AK9: variants seen among roughly 807,000 people sequenced by gnomAD.
AK9 encodes adenylate kinase domain containing 1.
Under a neutral mutation model 239.6 loss-of-function variants are expected in AK9, and 191 were observed. The ratio of observed to expected loss-of-function variants is 0.80; its 90% CI spans 0.71 to 0.90. AK9 has a LOEUF of 0.90. AK9 is among the 40% of genes least tolerant of loss of function. AK9 has a pLI of 0.00. For synonymous variants in AK9, 689 were observed against 721.0 expected (o/e 0.96, Z 0.71); for missense variants, 1,995 against 2,214.7 (o/e 0.90, Z 1.99).
intron 5 of AK9, among the ~76,000 whole-genome samples, chr6:109,670,662 C>G (rs10456867): frequency 0.051 from 7,811 of 151,914 alleles, 399 homozygotes; most frequent in East Asian, 0.23. Flanking sequence ...CCATGTAAAC[C>G]AATTTAAGTT....
At chr6:109,642,792 G>A (rs1226679868) in intron 9 of AK9, among the ~76,000 whole-genome samples, 1 of 152,194 alleles carries the variant, frequency 6.6e-6, no homozygotes, top group African/African-American at 2.4e-5. Context: ...GGGCAGGGTG[G>A]TGGTGGTGAA....
intron 38 of AK9, among the ~76,000 whole-genome samples, chr6:109,496,808 G>A (rs1413392625): frequency 6.6e-6 from 1 of 152,078 alleles, no homozygotes; most frequent in Non-Finnish European, 1.5e-5. Flanking sequence ...TCCAATCCAT[G>A]GTCTACACTT....
At chr6:109,500,464 T>C (rs1777497790) in intron 35 of AK9, among the ~76,000 whole-genome samples, 1 of 152,240 alleles carries the variant, frequency 6.6e-6, no homozygotes, top group Non-Finnish European at 1.5e-5. Flanking sequence ...ATTTTAGTTA[T>C]AATGAGTGGA....
chr6:109,682,878 A>C (rs1772885440), intron 1 of AK9, among the ~76,000 whole-genome samples: 1 of 152,206 alleles, frequency 6.6e-6, no homozygotes. Flanking sequence ...AAAAGAGGGA[A>C]TTCTCGCTAA....
chr6:109,514,364 T>C lies in AK9; in HGVS notation c.4139A>G (p.Tyr1380Cys), dbSNP rs982455995. 6.4e-7 allele frequency: 1 copy of C among 1,551,192 alleles called. No homozygotes were observed. The highest frequency in any genetic ancestry group is 1.4e-5 in the African/African-American group (1 of 73,130). The stretch of plus-strand genomic sequence containing the variant: ...TTCTTTACTAGATAAAAAATAAATA[T>C]ACTGACGATGGATTACAGGATAAAT... ...NPIYPVIHRQ[Y>C]IYFLSSKETK... is the part of the protein sequence containing the mutation. The change falls in exon 32 of 41, where the codon TAT (tyrosine) becomes TGT (cysteine). Residue 1380 changes from tyrosine (Y) to cysteine (C), a missense_variant. By Grantham distance (194) the Tyr-to-Cys change is radical. This residue lies in a region of AK9 where 1,290 missense variants were observed against 1,392.7 expected (regional missense o/e 0.93). Transcript: ENST00000424296.
rs576278864 is a variant in AK9 at position 109,682,215 on chromosome 6, G to A, written c.-11-6459C>T. Among the ~76,000 whole-genome samples the A allele has an allele frequency of 2.0e-5, 3 of 152,162 alleles. No homozygotes were observed. In the South Asian group the frequency reaches 6.2e-4, roughly 32 times the overall value. On this transcript the variant is annotated intron_variant, in intron 1 of 40. Coordinates refer to ENST00000424296, the MANE Select transcript of AK9 (RefSeq NM_001145128.3). Reference sequence around the variant, plus strand: ...CCTAGGTGGGCGGATCACAAGGTCAGGAGATCAAGACCATCCTGGCTAACA... The same window carrying A: ...CCTAGGTGGGCGGATCACAAGGTCAAGAGATCAAGACCATCCTGGCTAACA...
chr6:109,573,343 C>A (rs746622454), intron 21 of AK9, 99 bp downstream of exon 21: 23 of 1,280,348 alleles, frequency 1.8e-5, no homozygotes, highest in Non-Finnish European at 2.3e-5. Flanking sequence ...CCATTCTCAG[C>A]CAGCTTCCAT....
chr6:109,623,905 AT>A (rs1324070969), intron 12 of AK9, among the ~76,000 whole-genome samples: 1 of 123,278 alleles, frequency 8.1e-6, no homozygotes, highest in African/African-American at 3.8e-5. Context: ...ACACACACAC[AT>A]TTCTTCTCCC....
chr6:109,576,713 G>A (rs1788135101), intron 20 of AK9, among the ~76,000 whole-genome samples: 1 of 151,482 alleles, frequency 6.6e-6, no homozygotes, highest in African/African-American at 2.4e-5. Flanking sequence ...AGGACTTCCA[G>A]TACAATGTTG....
At chr6:109,604,848 T>A (rs896781365) in intron 17 of AK9, among the ~76,000 whole-genome samples, 6 of 152,208 alleles carry the variant, frequency 3.9e-5, no homozygotes, top group Non-Finnish European at 8.8e-5. Flanking sequence ...TGATATATGC[T>A]TTTGTTCACA....
intron 28 of AK9, among the ~76,000 whole-genome samples, chr6:109,532,579 A>G (rs189566631): frequency 6.5e-4 from 99 of 152,348 alleles, no homozygotes; most frequent in African/African-American, 2.3e-3. Context: ...GGATGTATCA[A>G]TAGGTCATTC....
At chr6:109,517,604 A>C (rs1344513342) in intron 29 of AK9, among the ~76,000 whole-genome samples, 1 of 152,172 alleles carries the variant, frequency 6.6e-6, no homozygotes, top group African/African-American at 2.4e-5. Context: ...GCCGTTAGAA[A>C]AATGTCTGGC....
chr6:109,597,031 T>C (rs747666208), intron 17 of AK9, among the ~76,000 whole-genome samples: 3 of 152,232 alleles, frequency 2.0e-5, no homozygotes, highest in Non-Finnish European at 2.9e-5. Flanking sequence ...ATTATAACAC[T>C]GTGAAGAAAA....
chr6:109,573,771 T>C (rs1336844457), intron 20 of AK9, among the ~76,000 whole-genome samples, 177 bp from the exon 21 acceptor site: 1 of 152,212 alleles, frequency 6.6e-6, no homozygotes, highest in Non-Finnish European at 1.5e-5. Flanking sequence ...TCACATGTAG[T>C]GGTAAAGGAT....
chr6:109,564,127 T>C lies in AK9; in HGVS notation c.2588A>G (p.Asp863Gly). 6.4e-7 allele frequency: 1 copy of C among 1,551,446 alleles called. No individual in the cohort carries two copies. Among genetic ancestry groups the C allele is most frequent in the Non-Finnish European group, 8.7e-7 (1 of 1,146,872 alleles). ...YIKILNLEIA[D>G]RTPQELLQKV... ...TTGAAGTAATTCCTGTGGAGTTCTG[T>C]CAGCAATCTCCAAGTTTAAAATTTT... Residue 863 changes from aspartate to glycine, a missense_variant, in exon 23 of 41, where the codon GAC becomes GGC. Coordinates refer to ENST00000424296, the MANE Select transcript of AK9 (RefSeq NM_001145128.3).
intron 40 of AK9, 99 bp from the exon 41 acceptor site, chr6:109,493,670 T>C (rs982392446): frequency 1.1e-5 from 12 of 1,085,264 alleles, no homozygotes; most frequent in Middle Eastern, 2.6e-4. Flanking sequence ...TACACAGTTA[T>C]GGTTGAGAAG....
intron 1 of AK9, among the ~76,000 whole-genome samples, chr6:109,685,977 G>C (rs1208569677): frequency 6.6e-6 from 1 of 152,220 alleles, no homozygotes; most frequent in East Asian, 1.9e-4. Flanking sequence ...CTGCTGTGCA[G>C]ATGGGATCTT....
rs1389163017 is a variant in AK9 at position 109,621,658 on chromosome 6, C to T, written c.1255-2422G>A. ...ATTGCAAGAACAAAAAACCAAACAC[C>T]GCATATTCTCACTCATAGGTGGGAA... On this transcript the variant is annotated intron_variant, in intron 12 of 40. Coordinates refer to ENST00000424296, the MANE Select transcript of AK9 (RefSeq NM_001145128.3). Among the ~76,000 whole-genome samples, 226 of 111,836 alleles carry T rather than the reference C, an allele frequency of 2.0e-3. 1 individual carries two copies. The highest frequency in any genetic ancestry group is 4.4e-3 in the Admixed American group (44 of 9,968). The allele number at this position is 111,836 out of a possible 152,430, so 73.4% of individuals were successfully genotyped here.
Position 109,674,213 on chromosome 6 carries a change from A to G in AK9, c.166T>C (p.Cys56Arg). Residue 56 changes from cysteine to arginine, a missense_variant, in exon 3 of 41, where the codon TGT (cysteine) becomes CGT (arginine). By Grantham distance (180) the Cys-to-Arg change is radical (BLOSUM62 -3). Coordinates refer to ENST00000424296, the MANE Select transcript of AK9 (RefSeq NM_001145128.3). Reference protein sequence around the residue: ...LARYITQAWKCIRVEALPILE... With the variant: ...LARYITQAWKRIRVEALPILE... ...TAAAATTTACCTTCAACACGAATAC[A>G]TTTCCATGCCTGTGTTATGTAACGG... 4 of 1,583,292 alleles carry G rather than the reference A, an allele frequency of 2.5e-6. No homozygotes were observed. In the South Asian group the frequency reaches 4.7e-5, roughly 19 times the overall value.
Sources: gnomAD v4.1 joint callset for allele counts (sites outside exome capture counted in the v4.1 genomes callset) on GRCh38, gnomAD v4.1.1 for gene constraint, gnomAD v4.1.1 regional missense constraint, MANE v1.5 for transcripts, NCBI Gene and HGNC (gene_info 2026-07-23, HGNC 2026-07-21) for gene names.